Variants in FER1L5 observed in about 807,000 individuals in gnomAD.
FER1L5 encodes fer-1-like protein 5.
Under a neutral mutation model 279.9 loss-of-function variants are expected in FER1L5, and 187 were observed. That is an observed-to-expected ratio of 0.67 (90% CI 0.59 to 0.75). The LOEUF (loss-of-function observed/expected upper bound fraction) is 0.75, where lower values mean the gene tolerates loss of function less well. Ranked by LOEUF, FER1L5 falls within the 30% of genes least tolerant of loss-of-function variation. The pLI, the probability that FER1L5 is intolerant of heterozygous loss-of-function variation, is 0.00. For missense variants in FER1L5, 2,091 were observed against 2,594.4 expected (o/e 0.81, Z 4.21); for synonymous variants, 921 against 989.7 (o/e 0.93, Z 1.30).
intron 17 of FER1L5, among the ~76,000 whole-genome samples, chr2:96,669,773 T>C (rs6732115): frequency 0.076 from 11,499 of 152,168 alleles, 906 homozygotes; most frequent in African/African-American, 0.2. Flanking sequence ...CCTTAGGTCA[T>C]GTGTGCTCCC....
rs1360951177 is a variant in FER1L5, at chr2:96,642,868, T to C, written c.32T>C (p.Ile11Thr). 3 of 1,550,886 alleles carry C rather than the reference T, an allele frequency of 1.9e-6. No homozygotes were observed. The highest frequency in any genetic ancestry group is 2.4e-5 in the East Asian group (1 of 40,860). Residue 11 changes from isoleucine to threonine, a missense_variant, in exon 1 of 53, where the codon ATT (isoleucine) becomes ACT (threonine). Transcript: ENST00000624922. MLRLVVQSAKIDPPLAPLPRP... is the reference protein window; with the variant it reads MLRLVVQSAKTDPPLAPLPRP... ...CGGCTTGTGGTGCAGTCGGCCAAGA[T>C]TGACCCACCACTAGCCCCACTACCC... is the stretch of plus-strand genomic sequence containing the variant.
intron 9 of FER1L5, among the ~76,000 whole-genome samples, chr2:96,659,091 C>G (rs1031606084): frequency 6.6e-6 from 1 of 151,830 alleles, no homozygotes; most frequent in Non-Finnish European, 1.5e-5. Flanking sequence ...ACCACCACAC[C>G]CGGCTAATAT....
chr2:96,689,835 C>A lies in FER1L5; in HGVS notation c.2640+77C>A. Reference sequence around the variant, plus strand: ...CGGGGCGCCTTGGAAGCTGGGGGTCCCAGTGGAAAGGGTCTGAGCCCTATG... The same window carrying A: ...CGGGGCGCCTTGGAAGCTGGGGGTCACAGTGGAAAGGGTCTGAGCCCTATG... On this transcript the variant is annotated intron_variant, in intron 26 of 52. Coordinates refer to ENST00000624922, the MANE Select transcript of FER1L5 (RefSeq NM_001293083.2). This position sits in a 1 kb window ranked among gnomAD's most constrained non-coding sequence, Gnocchi z 4.6. The A allele has an allele frequency of 7.8e-7, 1 of 1,285,978 alleles. No individual in the cohort carries two copies. Among genetic ancestry groups the A allele is most frequent in the Non-Finnish European group, 1.1e-6 (1 of 939,088 alleles). The allele number at this position is 1,285,978 out of a possible 1,614,324, so 79.7% of individuals were successfully genotyped here. A position where few individuals can be genotyped will look rare whatever the true frequency, so the allele number is the denominator to read the frequency against.
intron 19 of FER1L5, among the ~76,000 whole-genome samples, chr2:96,681,088 G>C (rs1013048762): frequency 6.6e-6 from 1 of 152,090 alleles, no homozygotes; most frequent in Non-Finnish European, 1.5e-5. Flanking sequence ...TGATATCATG[G>C]TTTGTATATA....
Position 96,692,114 on chromosome 2 carries a change from C to T in FER1L5, c.3225C>T (p.Tyr1075=). The part of the protein sequence containing the change: ...FIYCTFNKPH[Y]YQLFCYIYQA... ...CTTCTCTTTCCCCAGAGCCCCACTA[C>T]TACCAGCTCTTCTGCTACATCTACC... Residue 1075 remains tyrosine, a synonymous_variant, in exon 31 of 53, where the codon TAC becomes TAT. Transcript: ENST00000624922. 1.3e-6 allele frequency: 2 copies of T among 1,551,578 alleles called. No homozygotes were observed. The highest frequency in any genetic ancestry group is 2.7e-5 in the African/African-American group (2 of 73,144).
At chr2:96,685,918 T>C (rs1413453999) in intron 21 of FER1L5, 22 bp from the exon 22 acceptor site, 1 of 1,507,846 alleles carries the variant, frequency 6.6e-7, no homozygotes, top group African/African-American at 1.4e-5. Flanking sequence ...GTCCAGCCCC[T>C]GCTACCCTGT....
At chr2:96,652,108 G>T (rs1197063174) in intron 7 of FER1L5, 88 bp downstream of exon 7, 2 of 1,524,908 alleles carry the variant, frequency 1.3e-6, no homozygotes, top group African/African-American at 2.8e-5. Flanking sequence ...CCTTGACTAG[G>T]GTGTCTTCAT....
intron 14 of FER1L5, among the ~76,000 whole-genome samples, chr2:96,665,802 T>C (rs2076107312): frequency 6.6e-6 from 1 of 152,028 alleles, no homozygotes; most frequent in Non-Finnish European, 1.5e-5. Flanking sequence ...GCCAGGCTGG[T>C]CTCGAACACC....
At position 96,689,550 on chromosome 2, in the gene FER1L5, G is replaced by A; in HGVS notation, c.2526-94G>A. ...GTCCTGCCCAGAGCAGGTGGGGATG[G>A]GATGCCAGGTATGGGAACGCTTGGC... On this transcript the variant is annotated intron_variant, in intron 25 of 52. Coordinates refer to ENST00000624922, the MANE Select transcript of FER1L5 (RefSeq NM_001293083.2). This position sits in a 1 kb window ranked among gnomAD's most constrained non-coding sequence, Gnocchi z 4.6. 1 of 1,429,376 alleles carries A rather than the reference G, an allele frequency of 7.0e-7. No individual in the cohort carries two copies. The highest frequency in any genetic ancestry group is 1.2e-5 in the South Asian group (1 of 80,918). The allele number at this position is 1,429,376 out of a possible 1,614,324, so 88.5% of individuals were successfully genotyped here. A position where few individuals can be genotyped will look rare whatever the true frequency, so the allele number is the denominator to read the frequency against.
chr2:96,650,474 G>A lies in FER1L5; in HGVS notation c.504+185G>A, dbSNP rs537044745. On this transcript the variant is annotated intron_variant, in intron 6 of 52. Coordinates refer to ENST00000624922, the MANE Select transcript of FER1L5 (RefSeq NM_001293083.2). ...ATGGCCGTTCTGGAAACTTCTGCCT[G>A]TAGCTGAAGCCACAGAGCTCCAGTG... Among the ~76,000 whole-genome samples the A allele has an allele frequency of 8.5e-5, 13 of 152,306 alleles. No homozygotes were observed. In the South Asian group the frequency reaches 2.7e-3, roughly 32 times the overall value.
intron 27 of FER1L5, 67 bp downstream of exon 27, chr2:96,690,656 G>T: frequency 7.0e-7 from 1 of 1,436,884 alleles, no homozygotes; most frequent in South Asian, 1.2e-5. Flanking sequence ...AGCCAGCAGG[G>T]TGGGATCAGA....
rs750341048 is a variant in FER1L5 at position 96,671,106 on chromosome 2, C to CAAAAAAA, written c.1491+875_1491+881dup. 5.5e-4 allele frequency among the ~76,000 whole-genome samples: 22 copies of CAAAAAAA among 40,218 alleles called. 4 individuals are homozygous for CAAAAAAA. Among genetic ancestry groups the CAAAAAAA allele is most frequent in the South Asian group, 2.6e-3 (2 of 764 alleles). 26.4% of individuals were successfully genotyped at this position (40,218 alleles called of 152,430 possible). A position where few individuals can be genotyped will look rare whatever the true frequency, so the allele number is the denominator to read the frequency against. ...TGGGTGACAGAGTGAGACTCCATCTCAAAAAAAAAAAAAAAAAAAAAAGGA... is the reference window on the plus strand; with the variant it reads ...TGGGTGACAGAGTGAGACTCCATCTCAAAAAAAAAAAAAAAAAAAAAAAAAAAAAGGA... On this transcript the variant is annotated intron_variant, in intron 18 of 52. Transcript: ENST00000624922.
chr2:96,651,872 C>A lies in FER1L5; in HGVS notation c.505-20C>A. 1 of 1,552,020 alleles carries A rather than the reference C, an allele frequency of 6.4e-7. No homozygotes were observed. The highest frequency in any genetic ancestry group is 1.2e-5 in the South Asian group (1 of 84,058). On this transcript the variant is annotated intron_variant, in intron 6 of 52. Coordinates refer to ENST00000624922, the MANE Select transcript of FER1L5 (RefSeq NM_001293083.2). ...TACAGAAGGCCCTCAATATCAGCTC[C>A]CCATGTGTTCCGCCCTTAGGTTCGA... is the stretch of plus-strand genomic sequence containing the variant.
Position 96,699,542 on chromosome 2 carries a change from A to T in FER1L5, c.4611-8A>T. 6.2e-7 allele frequency: 1 copy of T among 1,610,306 alleles called. No homozygotes were observed. Among genetic ancestry groups the T allele is most frequent in the Non-Finnish European group, 8.5e-7 (1 of 1,177,388 alleles). On this transcript the variant is annotated splice_polypyrimidine_tract_variant and splice_region_variant and intron_variant, in intron 42 of 52. Coordinates refer to ENST00000624922, the MANE Select transcript of FER1L5 (RefSeq NM_001293083.2). ...CATCCTCTGCAGTCTCCAACACCTC[A>T]CCCCTAGGATGTTTGAACTCACCTG...
At position 96,690,596 on chromosome 2, in the gene FER1L5, C is replaced by T. The variant is rs781227870; in HGVS notation, c.2743+7C>T. 94 of 1,550,862 alleles carry T rather than the reference C, an allele frequency of 6.1e-5. 2 individuals carry two copies. Among genetic ancestry groups the T allele is most frequent in the South Asian group, 2.6e-4 (22 of 84,006 alleles). ...CACGCAGTGGACAGTAAGGGTCAGT[C>T]GTTTGGTCAGGGTTGGGATCGGGAG... On this transcript the variant is annotated splice_region_variant and intron_variant, in intron 27 of 52. Transcript: ENST00000624922.
At chr2:96,701,026 C>T (rs1302730854) in intron 45 of FER1L5, among the ~76,000 whole-genome samples, 1 of 152,218 alleles carries the variant, frequency 6.6e-6, no homozygotes, top group East Asian at 1.9e-4. Flanking sequence ...AAAAACCATT[C>T]CCACAGGCCA....
chr2:96,649,170 G>C (rs1048362948), intron 4 of FER1L5, among the ~76,000 whole-genome samples: 1 of 152,084 alleles, frequency 6.6e-6, no homozygotes, highest in Non-Finnish European at 1.5e-5. Context: ...GTGTTCAGGG[G>C]GCCATCCTGG....
chr2:96,702,921 TGCAAGGGAAACGTCCAGGAGACAG>T lies in FER1L5; in HGVS notation c.5398-54_5398-31del, dbSNP rs1447404354. 11 of 1,561,504 alleles carry T rather than the reference TGCAAGGGAAACGTCCAGGAGACAG, an allele frequency of 7.0e-6. No homozygotes were observed. The highest frequency in any genetic ancestry group is 9.6e-6 in the Non-Finnish European group (11 of 1,150,630). Reference sequence around the variant, plus strand: ...TGCTGGGTGGAGGGCCACTGAGGGGTGCAAGGGAAACGTCCAGGAGACAGGCCGGTAACACGCCCTTCCGCCATT... The same window carrying T: ...TGCTGGGTGGAGGGCCACTGAGGGGTGCCGGTAACACGCCCTTCCGCCATT... On this transcript the variant is annotated intron_variant, in intron 48 of 52. Transcript: ENST00000624922. This position sits in a 1 kb window ranked among gnomAD's most constrained non-coding sequence, Gnocchi z 4.0.
In FER1L5 at chr2:96,702,873, C is replaced by G; in HGVS notation, c.5398-105C>G. 2 of 1,529,576 alleles carry G rather than the reference C, an allele frequency of 1.3e-6. No individual in the cohort carries two copies. Among genetic ancestry groups the G allele is most frequent in the Non-Finnish European group, 1.8e-6 (2 of 1,130,688 alleles). 94.8% of individuals were successfully genotyped at this position (1,529,576 alleles called of 1,614,324 possible). On this transcript the variant is annotated intron_variant, in intron 48 of 52. Coordinates refer to ENST00000624922, the MANE Select transcript of FER1L5 (RefSeq NM_001293083.2). This position sits in a 1 kb window ranked among gnomAD's most constrained non-coding sequence, Gnocchi z 4.0. Reference sequence around the variant, plus strand: ...CAGAAACATGTCCTCAGGTGGAAACCCTCTTCCTTGATAGTCTATCACTGC... The same window carrying G: ...CAGAAACATGTCCTCAGGTGGAAACGCTCTTCCTTGATAGTCTATCACTGC...
Sources: gnomAD v4.1 joint callset for allele counts (sites outside exome capture counted in the v4.1 genomes callset) on GRCh38, gnomAD v4.1.1 for gene constraint, Gnocchi (gnomAD v3.1) non-coding constraint, MANE v1.5 for transcripts, NCBI Gene and HGNC (gene_info 2026-07-23, HGNC 2026-07-21) for gene names.